Variants in UNC13C observed in about 807,000 individuals in gnomAD.
UNC13C encodes protein unc-13 homolog C.
In UNC13C, 174 loss-of-function variants were observed where a neutral mutation model predicts 245.4. That is an observed-to-expected ratio of 0.71 (90% CI 0.63 to 0.80). The LOEUF is 0.80. UNC13C is among the 30% of genes least tolerant of loss of function. The pLI, the probability that UNC13C is intolerant of heterozygous loss-of-function variation, is 0.00. For synonymous variants in UNC13C, 992 were observed against 895.1 expected (o/e 1.11, Z -1.93); for missense variants, 2,829 against 2,602.9 (o/e 1.09, Z -1.89).
In UNC13C at chr15:54,390,990, A is replaced by C. The variant is rs181722589; in HGVS notation, c.4714-2058A>C. On this transcript the variant is annotated intron_variant, in intron 17 of 32. Transcript: ENST00000260323. ...CAACAAACGTTATATGATGTGAAAA[A>C]TAGCATCATCAGTAATCTTCTGGTG... Among the ~76,000 whole-genome samples, 695 of 152,254 alleles carry C rather than the reference A, an allele frequency of 4.6e-3. 2 individuals carry two copies. The highest frequency in any genetic ancestry group is 0.018 in the South Asian group (85 of 4,830).
intron 26 of UNC13C, among the ~76,000 whole-genome samples, chr15:54,544,182 A>T (rs543033888): frequency 6.6e-6 from 1 of 151,388 alleles, no homozygotes; most frequent in African/African-American, 2.5e-5. Flanking sequence ...AAACAGAACC[A>T]GCAACTTAAA....
At chr15:54,328,886 C>G (rs181594292) in intron 14 of UNC13C, among the ~76,000 whole-genome samples, 2 of 152,222 alleles carry the variant, frequency 1.3e-5, no homozygotes, top group Non-Finnish European at 2.9e-5. Flanking sequence ...CAAATTTCCA[C>G]ATCCATAAAT....
intron 30 of UNC13C, among the ~76,000 whole-genome samples, chr15:54,595,707 C>T (rs1899041225): frequency 1.3e-5 from 2 of 152,204 alleles, no homozygotes; most frequent in African/African-American, 4.8e-5. Flanking sequence ...CATTCCCTAC[C>T]ACTTGTGCTA....
Position 54,015,777 on chromosome 15 carries a change from G to A in UNC13C, c.2874G>A (p.Gln958=). Residue 958 remains glutamine, a synonymous_variant, in exon 2 of 33, where the codon CAG becomes CAA. Transcript: ENST00000260323. ...REDENQNIPE[Q]PVEITKPKRI... ...ATGAAAACCAAAACATTCCTGAACA[G>A]CCAGTGGAGATCACAAAGCCAAAGA... 1 of 1,612,418 alleles carries A rather than the reference G, an allele frequency of 6.2e-7. No individual in the cohort carries two copies. Among genetic ancestry groups the A allele is most frequent in the Non-Finnish European group, 8.5e-7 (1 of 1,179,072 alleles).
intron 23 of UNC13C, among the ~76,000 whole-genome samples, chr15:54,509,425 T>G (rs920797891): frequency 6.6e-6 from 1 of 152,192 alleles, no homozygotes; most frequent in African/African-American, 2.4e-5. Context: ...TAAATAATCT[T>G]TAAAATATTT....
the UNC13C span, among the ~76,000 whole-genome samples, chr15:53,906,732 T>C: frequency 6.6e-6 from 1 of 152,182 alleles, no homozygotes; most frequent in African/African-American, 2.4e-5. Flanking sequence ...GCTATAAAGA[T>C]ACTACCCGAG....
intron 19 of UNC13C, among the ~76,000 whole-genome samples, chr15:54,464,622 A>T (rs1892067752): frequency 6.6e-6 from 1 of 152,094 alleles, no homozygotes; most frequent in South Asian, 2.1e-4. Flanking sequence ...TTAAGTTTAA[A>T]AACTTTTAAA....
intron 19 of UNC13C, among the ~76,000 whole-genome samples, chr15:54,482,508 T>TC (rs1893176014): frequency 6.7e-6 from 1 of 149,390 alleles, no homozygotes; most frequent in South Asian, 2.1e-4. Context: ...TTCACCTTTT[T>TC]CCCACAATGG....
intron 8 of UNC13C, among the ~76,000 whole-genome samples, chr15:54,261,906 CAT>C (rs2036437381): frequency 6.6e-6 from 1 of 152,102 alleles, no homozygotes; most frequent in African/African-American, 2.4e-5. Context: ...AATGCTTAAA[CAT>C]ATGTCTCTAT....
intron 2 of UNC13C, among the ~76,000 whole-genome samples, chr15:54,052,667 TAA>T (rs1309639292): frequency 6.6e-6 from 1 of 152,248 alleles, no homozygotes; most frequent in Non-Finnish European, 1.5e-5. Flanking sequence ...AAACCTATCT[TAA>T]GTTTTTAATA....
chr15:54,376,263 A>G (rs545922489), intron 17 of UNC13C, among the ~76,000 whole-genome samples: 6 of 152,148 alleles, frequency 3.9e-5, no homozygotes, highest in Non-Finnish European at 7.3e-5. Context: ...AATTTCCTGG[A>G]ACATCTAAGA....
the UNC13C span, among the ~76,000 whole-genome samples, chr15:53,914,979 C>A: frequency 6.6e-6 from 1 of 152,034 alleles, no homozygotes; most frequent in Non-Finnish European, 1.5e-5. Context: ...GCCTTCAATA[C>A]CTAAAGTATA....
At chr15:54,445,850 G>C (rs1430138879) in intron 19 of UNC13C, among the ~76,000 whole-genome samples, 1 of 152,140 alleles carries the variant, frequency 6.6e-6, no homozygotes, top group Non-Finnish European at 1.5e-5. Context: ...TGGTGTTTTA[G>C]ACATGAAGTC....
chr15:54,564,350 A>G (rs1050081861), intron 29 of UNC13C, among the ~76,000 whole-genome samples: 5 of 152,032 alleles, frequency 3.3e-5, no homozygotes, highest in African/African-American at 4.8e-5. Flanking sequence ...GAGTATCGTA[A>G]TCTAAAACTT....
the UNC13C span, among the ~76,000 whole-genome samples, chr15:53,956,743 T>G: frequency 1.3e-5 from 2 of 151,438 alleles, no homozygotes; most frequent in African/African-American, 4.9e-5. Flanking sequence ...GTAATGCCAA[T>G]GTCATGATGT....
intron 2 of UNC13C, among the ~76,000 whole-genome samples, chr15:54,141,170 A>G (rs888162399): frequency 3.9e-5 from 6 of 152,178 alleles, no homozygotes; most frequent in Admixed American, 3.9e-4. Context: ...TATAAGAAAT[A>G]ACATTATTAT....
At chr15:54,556,517 T>C (rs1897096028) in intron 29 of UNC13C, among the ~76,000 whole-genome samples, 1 of 151,968 alleles carries the variant, frequency 6.6e-6, no homozygotes, top group African/African-American at 2.4e-5. Flanking sequence ...TTGTGACACC[T>C]GGAGGCACCT....
chr15:54,391,826 G>A (rs2039963056), intron 17 of UNC13C, among the ~76,000 whole-genome samples: 1 of 151,994 alleles, frequency 6.6e-6, no homozygotes, highest in South Asian at 2.1e-4. Context: ...TTCACTATAG[G>A]ACTGTCTTTC....
the UNC13C span, among the ~76,000 whole-genome samples, chr15:53,929,842 A>G: frequency 6.6e-6 from 1 of 152,222 alleles, no homozygotes; most frequent in African/African-American, 2.4e-5. Flanking sequence ...AACTAAAGCA[A>G]CAGGCTAGAA....
Sources: allele counts gnomAD v4.1 joint callset (sites outside exome capture counted in the v4.1 genomes callset), GRCh38; gene constraint gnomAD v4.1.1; transcripts MANE v1.5; gene names NCBI Gene and HGNC (gene_info 2026-07-23, HGNC 2026-07-21).